The following FAM83C variants were observed in gnomAD, a reference collection of about 807,000 sequenced individuals.
FAM83C encodes the protein scaffolding CK1 anchoring protein C.
In FAM83C, 23 loss-of-function variants were observed where a neutral mutation model predicts 27.1. That is an observed-to-expected ratio of 0.85 (90% confidence interval 0.61 to 1.20). The LOEUF (loss-of-function observed/expected upper bound fraction) is 1.20. Ranked by LOEUF, FAM83C falls within the 50% of genes most tolerant of loss-of-function variation. The probability of loss-of-function intolerance (pLI) is 0.00; values close to 1 mark genes in which losing one functional copy is unlikely to be tolerated. For synonymous variants in FAM83C, 426 were observed against 423.1 expected, an observed-to-expected ratio of 1.01 and a Z score of -0.09; for missense variants, 984 against 1,001.3, an observed-to-expected ratio of 0.98 and a Z score of 0.23.
intron 1 of FAM83C, among the ~76,000 whole-genome samples, chr20:35,290,958 C>T (rs969894126): frequency 3.9e-5 from 6 of 152,334 alleles, no homozygotes; most frequent in East Asian, 1.9e-4. Context: ...GGGATCATCT[C>T]GTCCATTCCC....
chr20:35,290,049 C>T (rs1240912045), intron 1 of FAM83C, among the ~76,000 whole-genome samples: 5 of 152,192 alleles, frequency 3.3e-5, no homozygotes, highest in Non-Finnish European at 5.9e-5. Flanking sequence ...CAGCTACAAG[C>T]CACTTACTGG....
In FAM83C at chr20:35,286,990, G is replaced by A; in HGVS notation, c.1789C>T (p.Leu597=). Residue 597 remains leucine, a synonymous_variant, in exon 4 of 4, where the codon CTG becomes TTG. Coordinates refer to ENST00000374408, the MANE Select transcript of FAM83C (RefSeq NM_178468.6). ...CCCTGGGCCTTGGGGTACTGCATCA[G>A]GAGGTCTGATTGGCCACGGCTTTGG... is the stretch of plus-strand genomic sequence containing the variant. The part of the protein sequence containing the change: ...LNQSRGQSDL[L]MQYPKAQGSR... 2.5e-6 allele frequency: 4 copies of A among 1,611,582 alleles called. No homozygotes were observed. Among genetic ancestry groups the A allele is most frequent in the Non-Finnish European group, 3.4e-6 (4 of 1,180,032 alleles).
rs766755517 is a variant in FAM83C, at chr20:35,288,430, A to G, written c.806+31T>C. The G allele has an allele frequency of 4.3e-6, 7 of 1,612,014 alleles. No homozygotes were observed. The East Asian group carries it at 6.7e-5, about 15-fold the overall frequency. ...AGCTGCCAGCCAGTGATGCAGCCCC[A>G]GGCCCCCCTTGCCTCCTCGTGCCTG... On this transcript the variant is annotated intron_variant, in intron 3 of 3. Transcript: ENST00000374408.
chr20:35,287,296 TCTC>T lies in FAM83C; in HGVS notation c.1480_1482del (p.Glu494del). ...TGACTTGGAGATGCCTTCTTCTCCT[TCTC>T]CTCCACTGTCTCCAGGGTTGTGCCA... On this transcript the variant is annotated inframe_deletion, in exon 4 of 4. Transcript: ENST00000374408. 6.2e-7 allele frequency: 1 copy of T among 1,613,422 alleles called. No homozygotes were observed. Among genetic ancestry groups the T allele is most frequent in the Non-Finnish European group, 8.5e-7 (1 of 1,180,000 alleles).
chr20:35,286,884 T>C lies in FAM83C; in HGVS notation c.1895A>G (p.His632Arg), dbSNP rs1600830316. Residue 632 changes from histidine (H) to arginine (R), a missense_variant, in exon 4 of 4, where the codon CAC (histidine) becomes CGC (arginine). Physicochemically the swap from His to Arg is conservative, Grantham distance 29. Transcript: ENST00000374408. The stretch of plus-strand genomic sequence containing the variant: ...CTTTGTGATGAGGTCCAGCTGGCTG[T>C]GCCCCAGGGTCTGCCGCCGCTCATC... The part of the protein sequence containing the change: ...APDERRQTLG[H>R]SQLDLITKFG... 6.2e-7 allele frequency: 1 copy of C among 1,614,212 alleles called. No homozygotes were observed. The highest frequency in any genetic ancestry group is 8.5e-7 in the Non-Finnish European group (1 of 1,180,028).
In FAM83C at chr20:35,292,342, A is replaced by G. The variant is rs2060851310; in HGVS notation, c.-38T>C. The G allele has an allele frequency of 6.9e-7, 1 of 1,451,412 alleles. No homozygotes were observed. The highest frequency in any genetic ancestry group is 9.0e-7 in the Non-Finnish European group (1 of 1,109,812). The allele number at this position is 1,451,412 out of a possible 1,614,324, so 89.9% of individuals were successfully genotyped here. A position where few individuals can be genotyped will look rare whatever the true frequency, so the allele number is the denominator to read the frequency against. On this transcript the variant is annotated 5_prime_UTR_variant, in exon 1 of 4. An upstream start codon of the reference 5' UTR is lost. Transcript: ENST00000374408. ...GCTGCCTCACCCGCCGGCAGGGCCC[A>G]TGGCCCGCACGCTGGGCTGGCTGCA...
chr20:35,290,149 C>T (rs377012094), intron 1 of FAM83C, among the ~76,000 whole-genome samples: 32 of 152,342 alleles, frequency 2.1e-4, no homozygotes, highest in African/African-American at 7.2e-4. Flanking sequence ...GACTCCCTTA[C>T]TTGCACCCAT....
rs753289930 is a variant in FAM83C at position 35,292,028 on chromosome 20, C to G, written c.277G>C (p.Glu93Gln). 3 of 1,613,324 alleles carry G rather than the reference C, an allele frequency of 1.9e-6. No individual in the cohort carries two copies. Among genetic ancestry groups the G allele is most frequent in the African/African-American group, 2.7e-5 (2 of 74,924 alleles). The change falls in exon 1 of 4, where the codon GAG (glutamate) becomes CAG (glutamine). Residue 93 changes from glutamate (E) to glutamine (Q), a missense_variant. Physicochemically the swap from Glu to Gln is conservative, Grantham distance 29 (BLOSUM62 2). Transcript: ENST00000374408. ...CCGGAGGCCTCCTGCCCCTGAGCCTCGCTGAGCTCAGGGCCCCCGCGCACA... is the reference window on the plus strand; with the variant it reads ...CCGGAGGCCTCCTGCCCCTGAGCCTGGCTGAGCTCAGGGCCCCCGCGCACA... ...SHVRGGPELS[E>Q]AQGQEASGPD...
In FAM83C at chr20:35,287,547, C is replaced by G. The variant is rs776203278; in HGVS notation, c.1232G>C (p.Arg411Thr). 6 of 1,614,144 alleles carry G rather than the reference C, an allele frequency of 3.7e-6. No individual in the cohort carries two copies. The highest frequency in any genetic ancestry group is 5.1e-6 in the Non-Finnish European group (6 of 1,180,012). Residue 411 changes from arginine (R) to threonine (T), a missense_variant, in exon 4 of 4, where the codon AGG becomes ACG. Transcript: ENST00000374408. ...PNHGSPPGLYRANLGKLGAYP... is the reference protein window; with the variant it reads ...PNHGSPPGLYTANLGKLGAYP... ...TGCCCCTAGCTTGCCGAGATTGGCC[C>G]TATAGAGCCCAGGAGGGGAGCCGTG...
At position 35,286,386 on chromosome 20, in the gene FAM83C, T is replaced by TGTAC. The variant is rs35887732; in HGVS notation, c.*148_*149insGTAC. On this transcript the variant is annotated 3_prime_UTR_variant, in exon 4 of 4. Coordinates refer to ENST00000374408, the MANE Select transcript of FAM83C (RefSeq NM_178468.6). ...GTGTGTGTGTGTGTGTGTGTGTGTG[T>TGTAC]ACACAAGAATCTTGAGCCCAGAGAG... 1.0e-5 allele frequency: 6 copies of TGTAC among 575,458 alleles called. No homozygotes were observed. The highest frequency in any genetic ancestry group is 1.7e-5 in the Non-Finnish European group (6 of 346,436). 35.6% of individuals were successfully genotyped at this position (575,458 alleles called of 1,614,324 possible).
In FAM83C at chr20:35,292,315, C is replaced by T. The variant is rs201870516; in HGVS notation, c.-11G>A. 27 of 1,473,942 alleles carry T rather than the reference C, an allele frequency of 1.8e-5. No individual in the cohort carries two copies. Among genetic ancestry groups the T allele is most frequent in the Middle Eastern group, 2.4e-4 (1 of 4,098 alleles). 91.3% of individuals were successfully genotyped at this position (1,473,942 alleles called of 1,614,324 possible). ...CGGGCCTCCGAACATGCCTGCCACG[C>T]GGCTGCCTCACCCGCCGGCAGGGCC... On this transcript the variant is annotated 5_prime_UTR_variant, in exon 1 of 4. Transcript: ENST00000374408.
At chr20:35,291,305 C>T (rs760457424) in intron 1 of FAM83C, among the ~76,000 whole-genome samples, 7 of 152,234 alleles carry the variant, frequency 4.6e-5, no homozygotes, top group Non-Finnish European at 1.0e-4. Context: ...CCTGTCTCCC[C>T]AAGCCCTGAG....
Position 35,286,685 on chromosome 20 carries a change from A to T in FAM83C, c.2094T>A (p.Pro698=). Residue 698 remains proline (P), a synonymous_variant, in exon 4 of 4, where the codon CCT becomes CCA. Transcript: ENST00000374408. ...QLHGARQGTE[P]GGPKGGHLNG... ...TGAGATGGCCACCCTTGGGACCCCCAGGCTCAGTTCCCTGCCTGGCCCCGT... is the reference window on the plus strand; with the variant it reads ...TGAGATGGCCACCCTTGGGACCCCCTGGCTCAGTTCCCTGCCTGGCCCCGT... 1 of 1,613,984 alleles carries T rather than the reference A, an allele frequency of 6.2e-7. No homozygotes were observed. Among genetic ancestry groups the T allele is most frequent in the Non-Finnish European group, 8.5e-7 (1 of 1,180,004 alleles).
chr20:35,292,197 C>T lies in FAM83C; in HGVS notation c.108G>A (p.Pro36=), dbSNP rs879236228. ...CCGCCTCGCTGTGCCGCAGCACCAG[C>T]GGTGAGCTCTCCCGCCACCACGGCA... is the stretch of plus-strand genomic sequence containing the variant. ...LKLPWWRESS[P]LVLRHSEAAR... is the part of the protein sequence containing the mutation. Residue 36 remains proline (P), a synonymous_variant, in exon 1 of 4, where the codon CCG becomes CCA. Transcript: ENST00000374408. The T allele has an allele frequency of 3.8e-6, 6 of 1,594,326 alleles. No individual in the cohort carries two copies. Among genetic ancestry groups the T allele is most frequent in the Non-Finnish European group, 5.1e-6 (6 of 1,178,252 alleles).
At position 35,292,270 on chromosome 20, in the gene FAM83C, G is replaced by A; in HGVS notation, c.35C>T (p.Ala12Val). 1 of 1,559,648 alleles carries A rather than the reference G, an allele frequency of 6.4e-7. No homozygotes were observed. Among genetic ancestry groups the A allele is most frequent in the Non-Finnish European group, 8.6e-7 (1 of 1,160,182 alleles). ...CCGCAGGGGTCCCGCCATGCCCTGG[G>A]CTCCCAGGACCCCAGGCCCCGGGCC... ...FGGPGPGVLGAQGMAGPLRGR... is the reference protein window; with the variant it reads ...FGGPGPGVLGVQGMAGPLRGR... The change falls in exon 1 of 4, where the codon GCC (alanine) becomes GTC (valine). Residue 12 changes from alanine to valine, a missense_variant. Transcript: ENST00000374408.
In FAM83C at chr20:35,286,812, A is replaced by G. The variant is rs1420867981; in HGVS notation, c.1967T>C (p.Ile656Thr). 5 of 1,613,528 alleles carry G rather than the reference A, an allele frequency of 3.1e-6. No homozygotes were observed. Among genetic ancestry groups the G allele is most frequent in the Non-Finnish European group, 4.2e-6 (5 of 1,179,906 alleles). ...TCCAGCCGTGCGAGCAGGGCTTGAT[A>G]TCGGGAGACCATTGGGCCCAGGCCC... is the stretch of plus-strand genomic sequence containing the variant. ...GEGPGPNGLP[I>T]SSPARTAGAG... Residue 656 changes from isoleucine (I) to threonine (T), a missense_variant, in exon 4 of 4, where the codon ATA becomes ACA. Transcript: ENST00000374408.
chr20:35,288,866 C>T lies in FAM83C; in HGVS notation c.606G>A (p.Leu202=), dbSNP rs746476863. 9.3e-6 allele frequency: 15 copies of T among 1,614,068 alleles called. No homozygotes were observed. The highest frequency in any genetic ancestry group is 1.1e-5 in the Non-Finnish European group (13 of 1,180,038). ...ASSRRGVPVY[L]LLAQEHLRHF... ...GCCTCAGGTGCTCCTGGGCAAGGAG[C>T]AGGTACACAGGGACACCACGCCGGC... The change falls in exon 2 of 4, where the codon CTG becomes CTA. Residue 202 remains leucine (L), a synonymous_variant. Coordinates refer to ENST00000374408, the MANE Select transcript of FAM83C (RefSeq NM_178468.6).
At position 35,286,863 on chromosome 20, in the gene FAM83C, G is replaced by A; in HGVS notation, c.1916C>T (p.Thr639Ile). The change falls in exon 4 of 4, where the codon ACA (threonine) becomes ATA (isoleucine). Residue 639 changes from threonine to isoleucine, a missense_variant. Coordinates refer to ENST00000374408, the MANE Select transcript of FAM83C (RefSeq NM_178468.6). ...TLGHSQLDLI[T>I]KFGPFRGEGP... ...CTCACCACGGAATGGGCCGAACTTTGTGATGAGGTCCAGCTGGCTGTGCCC... is the reference window on the plus strand; with the variant it reads ...CTCACCACGGAATGGGCCGAACTTTATGATGAGGTCCAGCTGGCTGTGCCC... 6.2e-7 allele frequency: 1 copy of A among 1,614,198 alleles called. No individual in the cohort carries two copies. The highest frequency in any genetic ancestry group is 8.5e-7 in the Non-Finnish European group (1 of 1,180,044).
At chr20:35,289,708 C>A (rs1174092348) in intron 1 of FAM83C, among the ~76,000 whole-genome samples, 1 of 151,836 alleles carries the variant, frequency 6.6e-6, no homozygotes, top group Non-Finnish European at 1.5e-5. Flanking sequence ...CCCCTGGCCT[C>A]AAGCGATCCT....
Sources: allele counts gnomAD v4.1 joint callset (sites outside exome capture counted in the v4.1 genomes callset), GRCh38; gene constraint gnomAD v4.1.1; transcripts MANE v1.5; gene names NCBI Gene and HGNC (gene_info 2026-07-23, HGNC 2026-07-21).